PSMD11: variants seen among roughly 807,000 people sequenced by gnomAD.
PSMD11 encodes the protein 26S proteasome non-ATPase regulatory subunit 11.
PSMD11 carries 5 observed loss-of-function variants against 62.3 expected under a neutral mutation model. The ratio of observed to expected loss-of-function variants is 0.08; its 90% CI spans 0.04 to 0.17. The LOEUF (loss-of-function observed/expected upper bound fraction) is 0.17, where lower values mean the gene tolerates loss of function less well. PSMD11 is among the 10% of genes least tolerant of loss of function. PSMD11 has a pLI of 1.00. For synonymous variants in PSMD11, 191 were observed against 191.8 expected (o/e 1.00, Z 0.03); for missense variants, 310 against 512.9 (o/e 0.60, Z 3.82).
chr17:32,477,598 G>T lies in PSMD11; in HGVS notation c.912+15G>T. ...ATTTTGAAAAGGTGAGTATGATATT[G>T]GGTTGGTATGGAATGTGAGTGGAAG... is the stretch of plus-strand genomic sequence containing the variant. On this transcript the variant is annotated intron_variant, in intron 9 of 13. Transcript: ENST00000261712. 1 of 1,595,450 alleles carries T rather than the reference G, an allele frequency of 6.3e-7. No homozygotes were observed. Among genetic ancestry groups the T allele is most frequent in the Admixed American group, 1.7e-5 (1 of 59,288 alleles).
chr17:32,448,737 T>G (rs547017826), intron 2 of PSMD11, among the ~76,000 whole-genome samples: 40 of 152,300 alleles, frequency 2.6e-4, no homozygotes, highest in African/African-American at 9.4e-4. Context: ...CAACTTGAAG[T>G]AGGTTTTGTT....
At chr17:32,447,100 T>C (rs983863032) in intron 2 of PSMD11, 54 bp downstream of exon 2, 1 of 1,396,250 alleles carries the variant, frequency 7.2e-7, no homozygotes, top group Non-Finnish European at 1.0e-6. Context: ...TCCTGTCTTT[T>C]GTTGGAGTGA....
intron 2 of PSMD11, among the ~76,000 whole-genome samples, chr17:32,449,191 G>A (rs1907419272): frequency 6.6e-6 from 1 of 152,152 alleles, no homozygotes; most frequent in Admixed American, 6.5e-5. Context: ...GATCCCTTGA[G>A]CCCAGGAATT....
Position 32,469,117 on chromosome 17 carries a change from C to T in PSMD11, c.567C>T (p.Ala189=). Residue 189 remains alanine (A), a synonymous_variant, in exon 6 of 14, where the codon GCC becomes GCT. Transcript: ENST00000261712. ...ALSNLPKARA[A]LTSARTTANA... is the part of the protein sequence containing the mutation. ...GCAACCTGCCGAAAGCCCGAGCTGC[C>T]TTAACTTCTGCTCGAACCACAGCAA... The T allele has an allele frequency of 1.2e-6, 2 of 1,614,154 alleles. No homozygotes were observed. Among genetic ancestry groups the T allele is most frequent in the Non-Finnish European group, 8.5e-7 (1 of 1,180,032 alleles).
chr17:32,469,440 G>A (rs1442996043), intron 6 of PSMD11, among the ~76,000 whole-genome samples: 2 of 152,184 alleles, frequency 1.3e-5, no homozygotes, highest in Non-Finnish European at 2.9e-5. Context: ...ACTTAGAAAG[G>A]TCGCACGTAG....
rs1017393471 is a variant in PSMD11 at position 32,482,411 on chromosome 17, C to T, written c.*1659C>T. On this transcript the variant is annotated 3_prime_UTR_variant, in exon 14 of 14. Transcript: ENST00000261712. ...CTTTTTCTTGAGTGCTGGAGGGCTT[C>T]CAAGCAAGTCCAGACAGCTCTGTGT... 7 of 151,500 alleles carry T rather than the reference C, an allele frequency of 4.6e-5. No individual in the cohort carries two copies. Among genetic ancestry groups the T allele is most frequent in the African/African-American group, 7.3e-5 (3 of 41,176 alleles). 9.4% of individuals were successfully genotyped at this position (151,500 alleles called of 1,614,324 possible).
At chr17:32,454,784 G>T in intron 3 of PSMD11, 165 bp downstream of exon 3, 1 of 706,344 alleles carries the variant, frequency 1.4e-6, no homozygotes, top group South Asian at 2.0e-5. Flanking sequence ...TGATACTTTG[G>T]GTCTGTTCCA....
At chr17:32,466,550 G>T (rs111944766) in intron 5 of PSMD11, among the ~76,000 whole-genome samples, 1 of 151,988 alleles carries the variant, frequency 6.6e-6, no homozygotes, top group East Asian at 1.9e-4. Context: ...TATATCACAT[G>T]TGTTTATCCA....
chr17:32,456,288 A>G lies in PSMD11; in HGVS notation c.318+1669A>G, dbSNP rs139271810. Among the ~76,000 whole-genome samples, 148 of 152,312 alleles carry G rather than the reference A, an allele frequency of 9.7e-4. 1 individual carries two copies. The highest frequency in any genetic ancestry group is 3.4e-3 in the African/African-American group (142 of 41,566). ...AAGTTTTTGGGCAGAAAAGTTAATT[A>G]TGGAAGCTGCTCCTTTTTGCACACT... is the stretch of plus-strand genomic sequence containing the variant. On this transcript the variant is annotated intron_variant, in intron 3 of 13. Coordinates refer to ENST00000261712, the MANE Select transcript of PSMD11 (RefSeq NM_002815.4).
At chr17:32,464,500 A>T (rs889260199) in intron 4 of PSMD11, 21 bp from the exon 5 acceptor site, 2 of 1,574,234 alleles carry the variant, frequency 1.3e-6, no homozygotes, top group Non-Finnish European at 1.7e-6. Flanking sequence ...CCCTTCAATC[A>T]ATGCCTTTTC....
rs756319964 is a variant in PSMD11, at chr17:32,483,254, A to G, written c.*2502A>G. On this transcript the variant is annotated 3_prime_UTR_variant, in exon 14 of 14. Transcript: ENST00000261712. ...AAAAGGAGTGTAAAATATGTCAATA[A>G]CTTTTTTATATATGTGTTGAAATAT... The G allele has an allele frequency of 3.9e-5, 6 of 152,232 alleles. No homozygotes were observed. Among genetic ancestry groups the G allele is most frequent in the Non-Finnish European group, 7.3e-5 (5 of 68,034 alleles). 9.4% of individuals were successfully genotyped at this position (152,232 alleles called of 1,614,324 possible). A position where few individuals can be genotyped will look rare whatever the true frequency, so the allele number is the denominator to read the frequency against.
Position 32,464,559 on chromosome 17 carries a change from C to T in PSMD11, c.429C>T (p.Tyr143=). Residue 143 remains tyrosine, a synonymous_variant, in exon 5 of 14, where the codon TAC becomes TAT. Coordinates refer to ENST00000261712, the MANE Select transcript of PSMD11 (RefSeq NM_002815.4). ...CTTTGTACTTTGATACCAAGAGGTACCAGGAAGCATTGCATTTGGGTAAGT... is the reference window on the plus strand; with the variant it reads ...CTTTGTACTTTGATACCAAGAGGTATCAGGAAGCATTGCATTTGGGTAAGT... ...LVSLYFDTKR[Y]QEALHLGSQL... is the part of the protein sequence containing the mutation. 1 of 1,608,336 alleles carries T rather than the reference C, an allele frequency of 6.2e-7. No homozygotes were observed. Among genetic ancestry groups the T allele is most frequent in the South Asian group, 1.1e-5 (1 of 90,452 alleles).
At chr17:32,464,714 CT>C in intron 5 of PSMD11, 136 bp downstream of exon 5, 1 of 572,788 alleles carries the variant, frequency 1.7e-6, no homozygotes, top group Non-Finnish European at 2.7e-6. Flanking sequence ...GCTTACAGTT[CT>C]GCATTTGTCA....
intron 3 of PSMD11, among the ~76,000 whole-genome samples, chr17:32,456,878 G>T (rs1907668182): frequency 6.6e-6 from 1 of 151,982 alleles, no homozygotes; most frequent in Non-Finnish European, 1.5e-5. Context: ...TGTTGGTCAG[G>T]CTGGTTTTGA....
At chr17:32,467,434 C>T (rs1029608272) in intron 5 of PSMD11, among the ~76,000 whole-genome samples, 2 of 150,766 alleles carry the variant, frequency 1.3e-5, no homozygotes, top group Admixed American at 6.6e-5. Flanking sequence ...TTAATAGAGA[C>T]GGGGTTTCAC....
intron 2 of PSMD11, among the ~76,000 whole-genome samples, chr17:32,450,856 T>C (rs1029960241): frequency 2.6e-5 from 4 of 151,958 alleles, no homozygotes; most frequent in African/African-American, 7.3e-5. Flanking sequence ...CCAGGAGTTA[T>C]GTGGACCAGT....
At chr17:32,458,887 A>G (rs1907726732) in intron 3 of PSMD11, among the ~76,000 whole-genome samples, 1 of 152,046 alleles carries the variant, frequency 6.6e-6, no homozygotes, top group Middle Eastern at 3.4e-3. Flanking sequence ...CTCCTCAGAG[A>G]CTTTCCTTGA....
intron 8 of PSMD11, chr17:32,477,289 TTC>T (rs2150840042): frequency 2.5e-6 from 1 of 398,792 alleles, no homozygotes; most frequent in East Asian, 3.7e-5. Context: ...TTTGGAAAAT[TTC>T]TGTTTCCTAG....
intron 10 of PSMD11, 42 bp from the exon 11 acceptor site, chr17:32,479,809 G>A (rs943836743): frequency 1.8e-5 from 29 of 1,600,296 alleles, no homozygotes; most frequent in Non-Finnish European, 2.3e-5. Flanking sequence ...GGAGGCAAAA[G>A]TAAAACTTTC....
Sources: allele counts gnomAD v4.1 joint callset (sites outside exome capture counted in the v4.1 genomes callset), GRCh38; gene constraint gnomAD v4.1.1; transcripts MANE v1.5; gene names NCBI Gene and HGNC (gene_info 2026-07-23, HGNC 2026-07-21).